CSGALNACT1: variants seen among roughly 807,000 people sequenced by gnomAD.
CSGALNACT1 encodes the protein beta4GalNAcT-1.
In CSGALNACT1, 52 loss-of-function variants were observed where a neutral mutation model predicts 51.0. The observed-to-expected ratio is 1.02, with a 90% CI of 0.82 to 1.29. The LOEUF is 1.29. Ranked by LOEUF, CSGALNACT1 falls within the 50% of genes most tolerant of loss-of-function variation. The pLI, the probability that CSGALNACT1 is intolerant of heterozygous loss-of-function variation, is 0.00. For synonymous variants in CSGALNACT1, 341 were observed against 254.4 expected (o/e 1.34, Z -3.24); for missense variants, 935 against 679.2 (o/e 1.38, Z -4.19).
At chr8:19,408,978 A>AC (rs57424251) in intron 8 of CSGALNACT1, among the ~76,000 whole-genome samples, 3 of 151,008 alleles carry the variant, frequency 2.0e-5, no homozygotes, top group Admixed American at 6.6e-5. Context: ...ACACACACAC[A>AC]ATCAAAAACA....
At chr8:19,530,586 C>A (rs2082572970) in intron 3 of CSGALNACT1, among the ~76,000 whole-genome samples, 1 of 152,154 alleles carries the variant, frequency 6.6e-6, no homozygotes, top group Non-Finnish European at 1.5e-5. Flanking sequence ...AAATTGTTCA[C>A]CGGGCACAGT....
chr8:19,476,513 G>T (rs1563617535), intron 4 of CSGALNACT1, among the ~76,000 whole-genome samples: 3 of 152,000 alleles, frequency 2.0e-5, no homozygotes. Flanking sequence ...AAGTGCTGGG[G>T]TTACATGTGT....
Position 19,584,859 on chromosome 8 carries a change from G to C in CSGALNACT1, c.-297+6301C>G, listed in dbSNP as rs2046297211. Among the ~76,000 whole-genome samples the C allele has an allele frequency of 2.6e-5, 4 of 152,164 alleles. No individual in the cohort carries two copies. The South Asian group carries it at 8.3e-4, about 32-fold the overall frequency. On this transcript the variant is annotated intron_variant, in intron 3 of 9. Transcript: ENST00000454498. ...GCTTGTCATCCAGACCAACAGCAAAGTAGATACTCTGAAGCAAGGGATGGT... is the reference window on the plus strand; with the variant it reads ...GCTTGTCATCCAGACCAACAGCAAACTAGATACTCTGAAGCAAGGGATGGT...
chr8:19,589,448 C>T (rs2047345138), intron 3 of CSGALNACT1, among the ~76,000 whole-genome samples: 1 of 152,182 alleles, frequency 6.6e-6, no homozygotes, highest in Non-Finnish European at 1.5e-5. Flanking sequence ...GCCTAAGCCT[C>T]CTGAGTAGCT....
At chr8:19,704,215 T>A (rs1049302481) in intron 1 of CSGALNACT1, among the ~76,000 whole-genome samples, 4 of 152,148 alleles carry the variant, frequency 2.6e-5, no homozygotes, top group African/African-American at 9.7e-5. Context: ...ACTAAACGAA[T>A]GTGCTGCCAA....
intron 1 of CSGALNACT1, among the ~76,000 whole-genome samples, chr8:19,735,502 T>G (rs900311812): frequency 2.0e-5 from 3 of 148,292 alleles, no homozygotes; most frequent in Admixed American, 6.8e-5. Flanking sequence ...AAAGCTGTCA[T>G]GAGCAAGTAA....
chr8:19,732,152 T>C (rs2063726923), intron 1 of CSGALNACT1, among the ~76,000 whole-genome samples: 1 of 152,178 alleles, frequency 6.6e-6, no homozygotes, highest in Non-Finnish European at 1.5e-5. Flanking sequence ...TTCTAGAAAT[T>C]AGTGTGCTTA....
intron 3 of CSGALNACT1, among the ~76,000 whole-genome samples, chr8:19,546,671 G>A (rs1176737937): frequency 1.3e-5 from 2 of 152,126 alleles, no homozygotes; most frequent in Admixed American, 1.3e-4. Flanking sequence ...CCATTCTTGG[G>A]AATATCTGAA....
intron 1 of CSGALNACT1, among the ~76,000 whole-genome samples, chr8:19,713,230 C>T (rs1378518052): frequency 6.6e-6 from 1 of 152,130 alleles, no homozygotes; most frequent in Admixed American, 6.5e-5. Context: ...CCGCGCTGGG[C>T]AGACAGGAAT....
chr8:19,639,701 G>C (rs897554010), intron 1 of CSGALNACT1, among the ~76,000 whole-genome samples: 1 of 152,134 alleles, frequency 6.6e-6, no homozygotes, highest in South Asian at 2.1e-4. Context: ...TCAAGGGGAA[G>C]AGAGCTGCTT....
intron 4 of CSGALNACT1, among the ~76,000 whole-genome samples, chr8:19,487,816 T>C (rs2073351386): frequency 6.6e-6 from 1 of 151,944 alleles, no homozygotes; most frequent in Non-Finnish European, 1.5e-5. Flanking sequence ...CATTGAGCTC[T>C]CTAGTCAAAG....
intron 3 of CSGALNACT1, among the ~76,000 whole-genome samples, chr8:19,589,979 G>T (rs1167407341): frequency 2.6e-5 from 4 of 152,182 alleles, no homozygotes; most frequent in African/African-American, 7.2e-5. Flanking sequence ...CAGACATGAT[G>T]CAATACTGCC....
chr8:19,405,666 C>T (rs754884146), exon 10 of CSGALNACT1: 2 of 1,325,146 alleles, frequency 1.5e-6, no homozygotes, highest in Admixed American at 1.8e-5. Context: ...TCATCTCTGA[C>T]CCATCAGTCC....
At chr8:19,530,603 C>T (rs2082578429) in intron 3 of CSGALNACT1, among the ~76,000 whole-genome samples, 1 of 152,164 alleles carries the variant, frequency 6.6e-6, no homozygotes, top group Non-Finnish European at 1.5e-5. Context: ...CAGTGGCTCG[C>T]AGCTCGAGTC....
At chr8:19,430,698 G>C (rs547611506) in intron 6 of CSGALNACT1, among the ~76,000 whole-genome samples, 22 of 152,192 alleles carry the variant, frequency 1.4e-4, no homozygotes, top group African/African-American at 5.1e-4. Flanking sequence ...ATTTCCACGT[G>C]AGTTTTAGAA....
chr8:19,635,029 T>A (rs1427004610), intron 1 of CSGALNACT1, among the ~76,000 whole-genome samples: 1 of 152,228 alleles, frequency 6.6e-6, no homozygotes, highest in Non-Finnish European at 1.5e-5. Context: ...TTTAAGTAAA[T>A]GTTGTACGTT....
At chr8:19,469,051 A>C (rs1251371681) in intron 4 of CSGALNACT1, among the ~76,000 whole-genome samples, 1 of 152,154 alleles carries the variant, frequency 6.6e-6, no homozygotes, top group Admixed American at 6.5e-5. Context: ...GGGCCTGCTC[A>C]ACAGTGCCAA....
intron 3 of CSGALNACT1, among the ~76,000 whole-genome samples, chr8:19,511,321 G>A (rs138497816): frequency 5.3e-5 from 8 of 152,302 alleles, no homozygotes; most frequent in East Asian, 1.9e-4. Context: ...CCCTAATGCC[G>A]CAGTGCGAGT....
chr8:19,520,920 G>C (rs2080539637), intron 3 of CSGALNACT1, among the ~76,000 whole-genome samples: 1 of 152,176 alleles, frequency 6.6e-6, no homozygotes, highest in Non-Finnish European at 1.5e-5. Context: ...GTGCTCTTAA[G>C]CACCATGCCA....
Sources: gnomAD v4.1 joint callset for allele counts (sites outside exome capture counted in the v4.1 genomes callset) on GRCh38, gnomAD v4.1.1 for gene constraint, MANE v1.5 for transcripts, NCBI Gene and HGNC (gene_info 2026-07-23, HGNC 2026-07-21) for gene names.